The following SYMPK variants were observed in gnomAD, a reference collection of about 807,000 sequenced individuals.
SYMPK encodes the protein symplekin.
In SYMPK, 49 loss-of-function variants were observed where a neutral mutation model predicts 136.4. The ratio of observed to expected loss-of-function variants is 0.36; its 90% confidence interval spans 0.29 to 0.46. SYMPK has a LOEUF of 0.46. Ranked by LOEUF, SYMPK falls within the 20% of genes least tolerant of loss-of-function variation. The pLI is 1.00. For synonymous variants in SYMPK, 766 were observed against 713.0 expected, an observed-to-expected ratio of 1.07 and a Z score of -1.19; for missense variants, 1,365 against 1,690.0, an observed-to-expected ratio of 0.81 and a Z score of 3.37.
At chr19:45,824,235 G>A (rs937018945) in intron 18 of SYMPK, 3 of 229,734 alleles carry the variant, frequency 1.3e-5, no homozygotes, top group African/African-American at 4.6e-5. Flanking sequence ...TTTCTCAGGC[G>A]CAGCTGGCTT....
Position 45,826,393 on chromosome 19 carries a change from A to C in SYMPK, c.2182-20T>G. 1.9e-6 allele frequency: 3 copies of C among 1,613,650 alleles called. No individual in the cohort carries two copies. The highest frequency in any genetic ancestry group is 2.5e-6 in the Non-Finnish European group (3 of 1,179,722). On this transcript the variant is annotated intron_variant, in intron 16 of 26. Transcript: ENST00000245934. ...GCGCACCTGAGGAGGAAGATGGAGA[A>C]GGGCAGGGTCAGGGAAGAGGTAAGA... is the stretch of plus-strand genomic sequence containing the variant.
At chr19:45,817,012 A>C in intron 23 of SYMPK, 38 bp from the exon 24 acceptor site, 1 of 1,542,956 alleles carries the variant, frequency 6.5e-7, no homozygotes, top group Non-Finnish European at 8.7e-7. Context: ...GGAGAGGCAC[A>C]CAGGCATCCC....
intron 7 of SYMPK, among the ~76,000 whole-genome samples, chr19:45,844,865 C>T (rs953937644): frequency 6.6e-6 from 1 of 151,900 alleles, no homozygotes; most frequent in Non-Finnish European, 1.5e-5. Flanking sequence ...AGAAACATAA[C>T]GAATGCCATA....
At chr19:45,848,032 A>T in intron 6 of SYMPK, 31 bp from the exon 7 acceptor site, 1 of 1,551,332 alleles carries the variant, frequency 6.4e-7, no homozygotes, top group Non-Finnish European at 8.8e-7. Context: ...AATGGAAGAG[A>T]CACACAAAGA....
At chr19:45,848,604 GCT>G in intron 6 of SYMPK, 144 bp downstream of exon 6, 3 of 1,109,086 alleles carry the variant, frequency 2.7e-6, no homozygotes, top group Non-Finnish European at 3.9e-6. Flanking sequence ...GACAACGTTA[GCT>G]CTCCATGTTA....
chr19:45,822,654 G>C, intron 21 of SYMPK, 102 bp downstream of exon 21: 1 of 906,838 alleles, frequency 1.1e-6, no homozygotes, highest in Non-Finnish European at 1.8e-6. Flanking sequence ...CCAGGGAGCA[G>C]GATGTGCCCT....
rs752504642 is a variant in SYMPK, at chr19:45,826,248, C to T, written c.2307G>A (p.Leu769=). The T allele has an allele frequency of 5.6e-6, 9 of 1,613,058 alleles. No individual in the cohort carries two copies. The highest frequency in any genetic ancestry group is 1.7e-5 in the Admixed American group (1 of 59,834). The change falls in exon 17 of 27, where the codon CTG becomes CTA. Residue 769 remains leucine, a synonymous_variant. Coordinates refer to ENST00000245934, the MANE Select transcript of SYMPK (RefSeq NM_004819.3). The part of the protein sequence containing the change: ...LLVHPNPPSV[L]FGADKDTEVA... ...AACCTGTGTCCTTGTCAGCTCCAAACAGCACAGACGGTGGGTTGGGGTGCA... is the reference window on the plus strand; with the variant it reads ...AACCTGTGTCCTTGTCAGCTCCAAATAGCACAGACGGTGGGTTGGGGTGCA...
intron 22 of SYMPK, chr19:45,820,892 G>A (rs1189163745): frequency 9.0e-6 from 5 of 554,782 alleles, no homozygotes; most frequent in South Asian, 2.4e-5. Flanking sequence ...AGAGCCCAGC[G>A]CAGAGTGCTC....
intron 15 of SYMPK, 68 bp downstream of exon 15, chr19:45,827,769 C>T (rs754574056): frequency 3.8e-6 from 6 of 1,560,536 alleles, no homozygotes; most frequent in Non-Finnish European, 5.3e-6. Context: ...GACTGTGTGC[C>T]CTTCAGACCC....
intron 11 of SYMPK, among the ~76,000 whole-genome samples, chr19:45,833,035 C>A (rs117755953): frequency 6.9e-6 from 1 of 145,566 alleles, no homozygotes; most frequent in Non-Finnish European, 1.5e-5. Flanking sequence ...AAAAAAAAAC[C>A]GTGAAAAACA....
chr19:45,843,510 C>T (rs529030343), intron 8 of SYMPK, among the ~76,000 whole-genome samples: 1 of 152,166 alleles, frequency 6.6e-6, no homozygotes, highest in South Asian at 2.1e-4. Context: ...CATTTCACCC[C>T]CACATACCTC....
intron 11 of SYMPK, among the ~76,000 whole-genome samples, chr19:45,833,312 A>C (rs1045232806): frequency 6.6e-6 from 1 of 152,142 alleles, no homozygotes; most frequent in Non-Finnish European, 1.5e-5. Flanking sequence ...AAGAATAGGT[A>C]AAACTAGGGC....
intron 10 of SYMPK, among the ~76,000 whole-genome samples, chr19:45,837,721 G>A (rs1346413015): frequency 6.6e-6 from 1 of 152,028 alleles, no homozygotes; most frequent in Non-Finnish European, 1.5e-5. Context: ...TTGGAGCCAG[G>A]TAGCAAGTGA....
At position 45,854,518 on chromosome 19, in the gene SYMPK, G is replaced by A. The variant is rs1216868725; in HGVS notation, c.-12-11C>T. 1.2e-6 allele frequency: 2 copies of A among 1,606,468 alleles called. No homozygotes were observed. Among genetic ancestry groups the A allele is most frequent in the South Asian group, 2.2e-5 (2 of 90,890 alleles). ...CATGGCTGCTGTCAGCTTGTCCCCA[G>A]GAAAGAAGAGGATGGATCAAGCTCA... is the stretch of plus-strand genomic sequence containing the variant. On this transcript the variant is annotated splice_polypyrimidine_tract_variant and intron_variant, in intron 1 of 26. Coordinates refer to ENST00000245934, the MANE Select transcript of SYMPK (RefSeq NM_004819.3).
intron 17 of SYMPK, among the ~76,000 whole-genome samples, chr19:45,825,813 C>T (rs1434508375): frequency 6.6e-6 from 1 of 152,144 alleles, no homozygotes; most frequent in Non-Finnish European, 1.5e-5. Context: ...TCTGGGCCTC[C>T]CGAAGGCTGT....
chr19:45,847,431 A>T (rs897557230), intron 7 of SYMPK, among the ~76,000 whole-genome samples: 2 of 152,052 alleles, frequency 1.3e-5, no homozygotes, highest in Non-Finnish European at 2.9e-5. Context: ...CTCAAAAAAA[A>T]AAAAAAGAAA....
intron 22 of SYMPK, 80 bp from the exon 23 acceptor site, chr19:45,818,226 GC>G: frequency 7.2e-7 from 1 of 1,381,248 alleles, no homozygotes; most frequent in African/African-American, 1.5e-5. Context: ...TCTGCTGTCT[GC>G]CCATGTGAGG....
rs764840451 is a variant in SYMPK at position 45,818,182 on chromosome 19, C to T, written c.2894-36G>A. 4 of 1,494,072 alleles carry T rather than the reference C, an allele frequency of 2.7e-6. No homozygotes were observed. In the South Asian group the frequency reaches 5.3e-5, roughly 20 times the overall value. The allele number at this position is 1,494,072 out of a possible 1,614,324, so 92.6% of individuals were successfully genotyped here. A position where few individuals can be genotyped will look rare whatever the true frequency, so the allele number is the denominator to read the frequency against. ...GCGGAGAGTGGGCCTGTCCTCTCTG[C>T]CCAGCTGCCCCCTGGGAGGTGGGAG... is the stretch of plus-strand genomic sequence containing the variant. On this transcript the variant is annotated intron_variant, in intron 22 of 26. Transcript: ENST00000245934.
Position 45,815,579 on chromosome 19 carries a change from T to G in SYMPK, c.3806A>C (p.Glu1269Ala). Residue 1269 changes from glutamate (E) to alanine (A), a missense_variant, in exon 27 of 27, where the codon GAG becomes GCG. By Grantham distance (107) the Glu-to-Ala change is moderately radical (BLOSUM62 -1). Around this residue, in one of 11 missense-constraint regions of SYMPK, gnomAD observed 341 missense variants for 270.5 expected, o/e 1.26. Transcript: ENST00000245934. ...GCCCCGTCAGCTGTTCCCCTTGGCC[T>G]CGGGTTCCCTGGCGTCCTCGGCAGC... Reference protein sequence around the residue: ...SPAAEDAREPEAKGNS With the variant: ...SPAAEDAREPAAKGNS The G allele has an allele frequency of 7.3e-7, 1 of 1,370,376 alleles. No individual in the cohort carries two copies. The highest frequency in any genetic ancestry group is 9.6e-7 in the Non-Finnish European group (1 of 1,038,670). The allele number at this position is 1,370,376 out of a possible 1,614,324, so 84.9% of individuals were successfully genotyped here.
Sources: allele counts gnomAD v4.1 joint callset (sites outside exome capture counted in the v4.1 genomes callset), GRCh38; gene constraint gnomAD v4.1.1; regional missense constraint gnomAD v4.1.1; transcripts MANE v1.5; gene names NCBI Gene and HGNC (gene_info 2026-07-23, HGNC 2026-07-21).